The following ADAMTSL1 variants were observed in gnomAD, a reference collection of about 807,000 sequenced individuals.
ADAMTSL1 encodes ADAMTS-like protein 1.
In ADAMTSL1, 126 loss-of-function variants were observed where a neutral mutation model predicts 201.8. The ratio of observed to expected loss-of-function variants is 0.62; its 90% CI spans 0.54 to 0.72. The LOEUF (loss-of-function observed/expected upper bound fraction) is 0.72, where lower values mean the gene tolerates loss of function less well. Ranked by LOEUF, ADAMTSL1 falls within the 30% of genes least tolerant of loss-of-function variation. The pLI, the probability that ADAMTSL1 is intolerant of heterozygous loss-of-function variation, is 0.00. For missense variants in ADAMTSL1, 2,679 were observed against 2,277.8 expected, an observed-to-expected ratio of 1.18 and a Z score of -3.59; for synonymous variants, 1,121 against 903.4, an observed-to-expected ratio of 1.24 and a Z score of -4.32.
chr9:18,338,862 G>A (rs1248682073), intron 2 of ADAMTSL1, among the ~76,000 whole-genome samples: 2 of 152,088 alleles, frequency 1.3e-5, no homozygotes, highest in Non-Finnish European at 2.9e-5. Flanking sequence ...ACTTATAAGT[G>A]AGAGTATGTG....
intron 7 of ADAMTSL1, among the ~76,000 whole-genome samples, chr9:18,644,117 G>C (rs1432705322): frequency 6.6e-6 from 1 of 151,456 alleles, no homozygotes; most frequent in Non-Finnish European, 1.5e-5. Context: ...CTAAATATTG[G>C]GGGTTTTTGG....
intron 3 of ADAMTSL1, among the ~76,000 whole-genome samples, chr9:18,535,249 C>G (rs1005873041): frequency 3.3e-5 from 5 of 152,192 alleles, no homozygotes. Flanking sequence ...TGCCACCAGC[C>G]TCTTTGCTAA....
intron 5 of ADAMTSL1, among the ~76,000 whole-genome samples, chr9:18,624,308 A>G (rs769894487): frequency 1.4e-4 from 22 of 152,246 alleles, no homozygotes; most frequent in Non-Finnish European, 2.1e-4. Flanking sequence ...CTTCCATAAG[A>G]TGAAAAATTT....
chr9:18,574,595 T>TTGTGTGTGTGTGTGTGTG, intron 4 of ADAMTSL1: 1 of 339,218 alleles, frequency 2.9e-6, no homozygotes. Flanking sequence ...GTGTTTGTGT[T>TTGTGTGTGTGTGTGTGTG]TGTGTGTGTG....
At chr9:18,532,020 A>G (rs921065535) in intron 2 of ADAMTSL1, among the ~76,000 whole-genome samples, 5 of 152,220 alleles carry the variant, frequency 3.3e-5, no homozygotes, top group African/African-American at 4.8e-5. Context: ...ATAAATTTAT[A>G]CATATAACAA....
chr9:18,851,957 G>A (rs1826522448), intron 23 of ADAMTSL1, among the ~76,000 whole-genome samples: 1 of 152,114 alleles, frequency 6.6e-6, no homozygotes, highest in South Asian at 2.1e-4. Context: ...GCCTTTCCCT[G>A]GCACTGGATG....
chr9:18,537,676 G>C (rs2132132641), intron 3 of ADAMTSL1, among the ~76,000 whole-genome samples: 1 of 152,114 alleles, frequency 6.6e-6, no homozygotes, highest in South Asian at 2.1e-4. Flanking sequence ...AGGAGTTTGA[G>C]ACTAGCCTGA....
At chr9:18,891,350 A>G (rs1300668212) in intron 25 of ADAMTSL1, among the ~76,000 whole-genome samples, 13 of 151,434 alleles carry the variant, frequency 8.6e-5, no homozygotes, top group African/African-American at 2.0e-4. Context: ...TTGTTAGATA[A>G]ATTTTCTCCA....
At chr9:18,195,986 A>G (rs1305007292) in intron 2 of ADAMTSL1, among the ~76,000 whole-genome samples, 1 of 152,162 alleles carries the variant, frequency 6.6e-6, no homozygotes, top group Non-Finnish European at 1.5e-5. Context: ...AAAAGAAAAA[A>G]AACAATTCAT....
intron 2 of ADAMTSL1, among the ~76,000 whole-genome samples, chr9:18,293,137 T>C (rs770418347): frequency 2.0e-4 from 30 of 152,344 alleles, no homozygotes; most frequent in Non-Finnish European, 4.3e-4. Flanking sequence ...GGTGTATGTG[T>C]ACCACATTTT....
At chr9:18,526,893 G>A (rs973008868) in intron 2 of ADAMTSL1, among the ~76,000 whole-genome samples, 10 of 152,100 alleles carry the variant, frequency 6.6e-5, no homozygotes, top group African/African-American at 2.4e-4. Flanking sequence ...CAGTCTAAAT[G>A]GCCCAGGATC....
chr9:18,224,413 A>G (rs1017402576), intron 2 of ADAMTSL1, among the ~76,000 whole-genome samples: 1 of 152,130 alleles, frequency 6.6e-6, no homozygotes, highest in African/African-American at 2.4e-5. Context: ...TTCTGCCATC[A>G]TAACCTAAAC....
At chr9:18,578,520 T>A (rs1355912057) in intron 4 of ADAMTSL1, among the ~76,000 whole-genome samples, 1 of 152,144 alleles carries the variant, frequency 6.6e-6, no homozygotes, top group Non-Finnish European at 1.5e-5. Flanking sequence ...AATCATACCA[T>A]CTAGGTTGGA....
intron 15 of ADAMTSL1, among the ~76,000 whole-genome samples, chr9:18,731,984 T>C (rs1486246618): frequency 2.0e-5 from 3 of 152,088 alleles, no homozygotes; most frequent in Non-Finnish European, 4.4e-5. Flanking sequence ...ACAAACTACA[T>C]CAGCTGGCCA....
At chr9:18,501,942 G>T (rs1225353041) in intron 1 of ADAMTSL1, among the ~76,000 whole-genome samples, 2 of 152,180 alleles carry the variant, frequency 1.3e-5, no homozygotes, top group Non-Finnish European at 2.9e-5. Flanking sequence ...CACCATTGAA[G>T]CTTTTAGTAC....
chr9:18,184,024 C>A (rs572251857), intron 2 of ADAMTSL1, among the ~76,000 whole-genome samples: 1 of 152,226 alleles, frequency 6.6e-6, no homozygotes, highest in Non-Finnish European at 1.5e-5. Context: ...GTCTTATTTC[C>A]CAGTGCTGTC....
intron 1 of ADAMTSL1, among the ~76,000 whole-genome samples, chr9:17,952,717 G>A (rs902357308): frequency 6.6e-6 from 1 of 152,066 alleles, no homozygotes; most frequent in Admixed American, 6.6e-5. Context: ...AATAGAGGCG[G>A]GGTTTCACCA....
At chr9:17,984,387 G>A (rs981814294) in intron 1 of ADAMTSL1, among the ~76,000 whole-genome samples, 5 of 151,978 alleles carry the variant, frequency 3.3e-5, no homozygotes, top group African/African-American at 1.2e-4. Context: ...TACTAAATGG[G>A]ACAATATTAT....
At chr9:18,566,920 A>G (rs373264369) in intron 3 of ADAMTSL1, among the ~76,000 whole-genome samples, 2 of 152,334 alleles carry the variant, frequency 1.3e-5, no homozygotes, top group African/African-American at 2.4e-5. Flanking sequence ...TTTTTTGTGT[A>G]TAGAAAAATA....
Sources: gnomAD v4.1 joint callset for allele counts (sites outside exome capture counted in the v4.1 genomes callset) on GRCh38, gnomAD v4.1.1 for gene constraint, MANE v1.5 for transcripts, NCBI Gene and HGNC (gene_info 2026-07-23, HGNC 2026-07-21) for gene names.